ZNF578: variants seen among roughly 807,000 people sequenced by gnomAD.
ZNF578 encodes zinc finger protein 578.
In ZNF578, 8 loss-of-function variants were observed where a neutral mutation model predicts 8.3. The ratio of observed to expected loss-of-function variants is 0.96; its 90% CI spans 0.56 to 1.74. The LOEUF is 1.74. ZNF578 is among the 40% of genes most tolerant of loss of function. ZNF578 has a pLI of 0.00. For synonymous variants in ZNF578, 206 were observed against 232.2 expected, an observed-to-expected ratio of 0.89 and a Z score of 1.03; for missense variants, 726 against 707.5, an observed-to-expected ratio of 1.03 and a Z score of -0.30.
At position 52,512,090 on chromosome 19, in the gene ZNF578, A is replaced by G. The variant is rs761495422; in HGVS notation, c.1709A>G (p.Asn570Ser). 3.7e-6 allele frequency: 6 copies of G among 1,613,792 alleles called. No homozygotes were observed. Among genetic ancestry groups the G allele is most frequent in the South Asian group, 2.2e-5 (2 of 91,040 alleles). The part of the protein sequence containing the change: ...IHSGEKPYKC[N>S]ECGKAHNHLI... ...AGCGGAGAGAAACCTTACAAGTGTA[A>G]TGAGTGTGGTAAGGCTCACAATCAC... The change falls in exon 6 of 6, where the codon AAT becomes AGT. Residue 570 changes from asparagine (N) to serine (S), a missense_variant. Coordinates refer to ENST00000421239, the MANE Select transcript of ZNF578 (RefSeq NM_001099694.2).
intron 5 of ZNF578, among the ~76,000 whole-genome samples, chr19:52,508,515 G>A (rs1313470460): frequency 6.6e-6 from 1 of 151,432 alleles, no homozygotes; most frequent in Non-Finnish European, 1.5e-5. Flanking sequence ...AGATGATAGT[G>A]GACCGAGCGC....
At chr19:52,478,510 T>C (rs2122830384) in intron 2 of ZNF578, among the ~76,000 whole-genome samples, 2 of 152,204 alleles carry the variant, frequency 1.3e-5, no homozygotes, top group South Asian at 4.2e-4. Context: ...ATTTTTATAC[T>C]CCCTCTCCTG....
chr19:52,504,826 G>A (rs186489293), intron 5 of ZNF578, 45 bp downstream of exon 5: 27,800 of 1,592,104 alleles, frequency 0.017, 428 homozygotes, highest in Non-Finnish European at 0.02. Context: ...GCTCTTGTCT[G>A]TCTTGGCTCT....
chr19:52,511,766 G>C lies in ZNF578; in HGVS notation c.1385G>C (p.Arg462Thr). The change falls in exon 6 of 6, where the codon AGA becomes ACA. Residue 462 changes from arginine to threonine, a missense_variant. Arg to Thr is a moderately conservative substitution (Grantham distance 71). Transcript: ENST00000421239. Reference sequence around the variant, plus strand: ...TCTTACAAATGTGAAGAATGTGACAGAGTTTTCAGTCAGAAATCAAACCTT... The same window carrying C: ...TCTTACAAATGTGAAGAATGTGACACAGTTTTCAGTCAGAAATCAAACCTT... Reference protein sequence around the residue: ...EKSYKCEECDRVFSQKSNLER... With the variant: ...EKSYKCEECDTVFSQKSNLER... 1 of 1,610,904 alleles carries C rather than the reference G, an allele frequency of 6.2e-7. No individual in the cohort carries two copies. Among genetic ancestry groups the C allele is most frequent in the Non-Finnish European group, 8.5e-7 (1 of 1,179,066 alleles).
At chr19:52,472,899 C>G (rs2059296480) in intron 2 of ZNF578, among the ~76,000 whole-genome samples, 1 of 152,086 alleles carries the variant, frequency 6.6e-6, no homozygotes, top group Non-Finnish European at 1.5e-5. Flanking sequence ...GCCGTTGAAC[C>G]TTTGGTACAC....
rs2059440927 is a variant in ZNF578, at chr19:52,510,589, A to G, written c.208A>G (p.Met70Val). ...LEAVDISSKR[M>V]MKEVLSTGQG... ...TTTTGTAGATATCTCTTCCAAACGC[A>G]TGATGAAGGAGGTCTTGTCAACAGG... Residue 70 changes from methionine to valine, a missense_variant, in exon 6 of 6, where the codon ATG becomes GTG. Physicochemically the swap from Met to Val is conservative, Grantham distance 21 (BLOSUM62 1). Coordinates refer to ENST00000421239, the MANE Select transcript of ZNF578 (RefSeq NM_001099694.2). The G allele has an allele frequency of 6.5e-7, 1 of 1,544,048 alleles. No individual in the cohort carries two copies. The highest frequency in any genetic ancestry group is 8.7e-7 in the Non-Finnish European group (1 of 1,148,948).
At chr19:52,454,928 A>G (rs906011425) in intron 1 of ZNF578, 1 of 152,110 alleles carries the variant, frequency 6.6e-6, no homozygotes, top group Admixed American at 6.5e-5. Context: ...AGCAATGAAA[A>G]CAGTTTGGTT....
Position 52,513,663 on chromosome 19 carries a change from G to T in ZNF578, c.*1509G>T, listed in dbSNP as rs2059459967. 6.6e-6 allele frequency among the ~76,000 whole-genome samples: 1 copy of T among 150,682 alleles called. No homozygotes were observed. The highest frequency in any genetic ancestry group is 1.5e-5 in the Non-Finnish European group (1 of 67,874). On this transcript the variant is annotated 3_prime_UTR_variant, in exon 6 of 6. Transcript: ENST00000421239. ...GACAATGGTGTGAACCCAGGAGGCG[G>T]TGCTTGCAGGGAGCCGAGATCGTGC...
intron 2 of ZNF578, among the ~76,000 whole-genome samples, chr19:52,470,260 C>A (rs1013393975): frequency 6.6e-6 from 1 of 152,168 alleles, no homozygotes; most frequent in Non-Finnish European, 1.5e-5. Flanking sequence ...GATCCTCCCC[C>A]ACCACCCTTC....
At chr19:52,463,253 A>G (rs964371089) in intron 2 of ZNF578, among the ~76,000 whole-genome samples, 1 of 152,198 alleles carries the variant, frequency 6.6e-6, no homozygotes, top group African/African-American at 2.4e-5. Flanking sequence ...AGGAAACCAA[A>G]CGTCTTTTTA....
At chr19:52,498,533 G>A (rs183487828) in intron 3 of ZNF578, among the ~76,000 whole-genome samples, 96 of 151,940 alleles carry the variant, frequency 6.3e-4, no homozygotes, top group African/African-American at 2.0e-3. Context: ...GGCATTCACC[G>A]TGTTAGCCAG....
At chr19:52,508,524 G>T (rs112660814) in intron 5 of ZNF578, among the ~76,000 whole-genome samples, 2 of 151,294 alleles carry the variant, frequency 1.3e-5, no homozygotes, top group African/African-American at 2.4e-5. Flanking sequence ...TGGACCGAGC[G>T]CGGTGGCTCT....
chr19:52,484,154 C>A (rs543409647), intron 2 of ZNF578, among the ~76,000 whole-genome samples: 2 of 152,206 alleles, frequency 1.3e-5, no homozygotes, highest in Non-Finnish European at 2.9e-5. Flanking sequence ...GGAAAAAGTG[C>A]TGTGCTTTTG....
At chr19:52,457,048 A>G (rs1401401710) in intron 2 of ZNF578, 90 bp downstream of exon 2, 1 of 152,588 alleles carries the variant, frequency 6.6e-6, no homozygotes, top group East Asian at 1.9e-4. Flanking sequence ...GTTTCCATCG[A>G]CGGTTCCTGG....
At chr19:52,508,325 C>T (rs1324541390) in intron 5 of ZNF578, among the ~76,000 whole-genome samples, 1 of 151,102 alleles carries the variant, frequency 6.6e-6, no homozygotes, top group Non-Finnish European at 1.5e-5. Flanking sequence ...GCCTGGGTGA[C>T]AGAGCAAGAC....
At chr19:52,492,283 C>T (rs1458777051) in intron 3 of ZNF578, among the ~76,000 whole-genome samples, 1 of 151,958 alleles carries the variant, frequency 6.6e-6, no homozygotes, top group Non-Finnish European at 1.5e-5. Context: ...ATTCTCTGGC[C>T]GCTGCTTCCT....
chr19:52,487,691 G>C (rs535599538), intron 2 of ZNF578, among the ~76,000 whole-genome samples: 1 of 150,406 alleles, frequency 6.6e-6, no homozygotes, highest in Non-Finnish European at 1.5e-5. Context: ...AGTGCAGTGC[G>C]TGATCTCCTC....
chr19:52,492,424 T>A (rs1388701931), intron 3 of ZNF578, among the ~76,000 whole-genome samples: 3 of 152,166 alleles, frequency 2.0e-5, no homozygotes, highest in Non-Finnish European at 4.4e-5. Context: ...TAGGGAAGTC[T>A]CTGAAGCTGA....
intron 2 of ZNF578, among the ~76,000 whole-genome samples, chr19:52,484,408 G>A (rs183547329): frequency 1.3e-5 from 2 of 152,074 alleles, no homozygotes; most frequent in Non-Finnish European, 2.9e-5. Flanking sequence ...TACGGGTGTC[G>A]GGCTAGGGGA....
Sources: gnomAD v4.1 joint callset for allele counts (sites outside exome capture counted in the v4.1 genomes callset) on GRCh38, gnomAD v4.1.1 for gene constraint, MANE v1.5 for transcripts, NCBI Gene and HGNC (gene_info 2026-07-23, HGNC 2026-07-21) for gene names.